Variants in CMSS1 observed in about 807,000 individuals in gnomAD.
CMSS1 encodes protein CMSS1.
In CMSS1, 33 loss-of-function variants were observed where a neutral mutation model predicts 43.5. The ratio of observed to expected loss-of-function variants is 0.76; its 90% CI spans 0.57 to 1.01. The LOEUF (loss-of-function observed/expected upper bound fraction) is 1.01, where lower values mean the gene tolerates loss of function less well. Ranked by LOEUF, CMSS1 falls within the 50% of genes least tolerant of loss-of-function variation. The probability of loss-of-function intolerance (pLI) is 0.00; values close to 1 mark genes in which losing one functional copy is unlikely to be tolerated. For missense variants in CMSS1, 313 were observed against 326.4 expected (o/e 0.96, Z 0.32); for synonymous variants, 115 against 117.2 (o/e 0.98, Z 0.12).
At chr3:99,936,812 G>T (rs1176962315) in intron 1 of CMSS1, among the ~76,000 whole-genome samples, 1 of 151,970 alleles carries the variant, frequency 6.6e-6, no homozygotes, top group Non-Finnish European at 1.5e-5. Context: ...TTTATAAAAA[G>T]ATATACATAG....
rs556384418 is a variant in CMSS1, at chr3:100,174,765, C to G, written c.668-1562C>G. On this transcript the variant is annotated intron_variant, in intron 8 of 9. Coordinates refer to ENST00000421999, the MANE Select transcript of CMSS1 (RefSeq NM_032359.4). ...AGAGTTTTCAGACATTGAAAGATATCCCATGACATTGGGATGTATACAATT... is the reference window on the plus strand; with the variant it reads ...AGAGTTTTCAGACATTGAAAGATATGCCATGACATTGGGATGTATACAATT... Among the ~76,000 whole-genome samples the G allele has an allele frequency of 2.0e-5, 3 of 152,202 alleles. No individual in the cohort carries two copies. The South Asian group carries it at 6.2e-4, about 32-fold the overall frequency.
At chr3:99,909,402 G>C (rs1355168676) in intron 1 of CMSS1, among the ~76,000 whole-genome samples, 2 of 152,180 alleles carry the variant, frequency 1.3e-5, no homozygotes. Flanking sequence ...CCTTGGGTCA[G>C]GTGAGGGGGT....
chr3:100,172,842 T>C (rs1398643066), intron 8 of CMSS1, among the ~76,000 whole-genome samples: 1 of 152,310 alleles, frequency 6.6e-6, no homozygotes, highest in South Asian at 2.1e-4. Flanking sequence ...CCCAAATGTG[T>C]TTCTCTTTTA....
At chr3:100,155,217 C>G (rs2066960877) in intron 2 of CMSS1, among the ~76,000 whole-genome samples, 1 of 152,148 alleles carries the variant, frequency 6.6e-6, no homozygotes, top group Admixed American at 6.5e-5. Context: ...CAACAAGATA[C>G]CACATTTTGG....
chr3:99,955,773 G>T (rs1223661349), intron 1 of CMSS1, among the ~76,000 whole-genome samples: 2 of 151,984 alleles, frequency 1.3e-5, no homozygotes, highest in Non-Finnish European at 2.9e-5. Flanking sequence ...TTCCACATTA[G>T]TGTATCCTGG....
chr3:99,960,336 A>G (rs187068777), intron 1 of CMSS1, among the ~76,000 whole-genome samples: 15 of 152,154 alleles, frequency 9.9e-5, no homozygotes, highest in Non-Finnish European at 1.5e-4. Context: ...GAGGGCTCCA[A>G]AAAGTTAAGT....
At chr3:100,168,017 G>A (rs536237312) in intron 6 of CMSS1, among the ~76,000 whole-genome samples, 177 bp downstream of exon 6, 18 of 152,252 alleles carry the variant, frequency 1.2e-4, no homozygotes, top group Non-Finnish European at 2.2e-4. Flanking sequence ...ACATTATAAC[G>A]TCAAGTACAT....
chr3:99,838,896 CAG>C (rs1197637691), intron 1 of CMSS1, among the ~76,000 whole-genome samples: 1 of 152,166 alleles, frequency 6.6e-6, no homozygotes, highest in East Asian at 1.9e-4. Flanking sequence ...TGTGAAGACA[CAG>C]AGACTCCCTA....
chr3:99,846,274 T>C (rs1188333613), intron 1 of CMSS1, among the ~76,000 whole-genome samples: 1 of 152,236 alleles, frequency 6.6e-6, no homozygotes, highest in Non-Finnish European at 1.5e-5. Flanking sequence ...GTGTTTTGTT[T>C]ATGCCATTAT....
chr3:100,006,176 G>A (rs1354118530), intron 1 of CMSS1, among the ~76,000 whole-genome samples: 1 of 152,070 alleles, frequency 6.6e-6, no homozygotes, highest in Admixed American at 6.6e-5. Context: ...CTGGGGGCTG[G>A]GGCAGTAAGA....
At chr3:99,955,938 A>C (rs1013065589) in intron 1 of CMSS1, among the ~76,000 whole-genome samples, 1 of 152,166 alleles carries the variant, frequency 6.6e-6, no homozygotes, top group Non-Finnish European at 1.5e-5. Context: ...CATAGCGCTT[A>C]CCACATTGTT....
intron 1 of CMSS1, chr3:99,848,088 T>A (rs1035253867): frequency 5.1e-6 from 7 of 1,373,898 alleles, no homozygotes; most frequent in Non-Finnish European, 6.6e-6. Flanking sequence ...TGAAAAGATA[T>A]ACAGTAAGTG....
At chr3:99,869,315 A>G (rs997990067) in intron 1 of CMSS1, among the ~76,000 whole-genome samples, 1 of 152,182 alleles carries the variant, frequency 6.6e-6, no homozygotes, top group Non-Finnish European at 1.5e-5. Flanking sequence ...AAAGAATTTT[A>G]TGGGGCAGAA....
intron 1 of CMSS1, among the ~76,000 whole-genome samples, chr3:99,832,880 T>A (rs1358957542): frequency 6.7e-6 from 1 of 149,542 alleles, no homozygotes. Flanking sequence ...TTTTTTCTTG[T>A]ATGACTTATC....
chr3:99,963,960 A>G (rs999295870), intron 1 of CMSS1, among the ~76,000 whole-genome samples: 2 of 152,302 alleles, frequency 1.3e-5, no homozygotes, highest in Middle Eastern at 3.4e-3. Context: ...CATAACGAAA[A>G]TGATCAGTAG....
intron 1 of CMSS1, among the ~76,000 whole-genome samples, chr3:99,889,960 A>G (rs1160526611): frequency 2.0e-5 from 3 of 152,074 alleles, no homozygotes; most frequent in Admixed American, 6.6e-5. Flanking sequence ...TAGATATACC[A>G]ATATATTTAA....
intron 1 of CMSS1, among the ~76,000 whole-genome samples, chr3:100,110,291 C>T (rs1029753020): frequency 5.9e-5 from 9 of 151,976 alleles, no homozygotes; most frequent in Non-Finnish European, 1.2e-4. Context: ...AGCTGGTGTC[C>T]CTAGTCACAA....
chr3:100,101,562 A>G (rs2066305845), intron 1 of CMSS1, among the ~76,000 whole-genome samples: 1 of 152,110 alleles, frequency 6.6e-6, no homozygotes, highest in Non-Finnish European at 1.5e-5. Flanking sequence ...CTTCAAAGTA[A>G]CACATGCACT....
At chr3:100,139,163 G>T (rs528714486) in intron 1 of CMSS1, among the ~76,000 whole-genome samples, 1 of 152,186 alleles carries the variant, frequency 6.6e-6, no homozygotes, top group Non-Finnish European at 1.5e-5. Flanking sequence ...GACACAGGGA[G>T]GGGACCATCA....
Sources: allele counts gnomAD v4.1 joint callset (sites outside exome capture counted in the v4.1 genomes callset), GRCh38; gene constraint gnomAD v4.1.1; transcripts MANE v1.5; gene names NCBI Gene and HGNC (gene_info 2026-07-23, HGNC 2026-07-21).